Variants in MTRR observed in about 807,000 individuals in gnomAD.
MTRR encodes methionine synthase reductase.
MTRR carries 63 observed loss-of-function variants against 79.2 expected under a neutral mutation model. The ratio of observed to expected loss-of-function variants is 0.80; its 90% CI spans 0.65 to 0.98. The LOEUF (loss-of-function observed/expected upper bound fraction) is 0.98. Among genes scored for constraint, MTRR ranks in the 50% least tolerant of loss-of-function variants. The pLI is 0.00. For missense variants in MTRR, 895 were observed against 839.6 expected (o/e 1.07, Z -0.82); for synonymous variants, 355 against 313.3 (o/e 1.13, Z -1.41).
At chr5:7,850,866 G>C (rs747993562), upstream of MTRR, 43 of 1,308,920 alleles carry the variant, frequency 3.3e-5, no homozygotes, top group Non-Finnish European at 4.1e-5. Flanking sequence ...CCCAGTCCGC[G>C]GTCCTCACCC....
At chr5:7,885,630 T>A in intron 6 of MTRR, 71 bp from the exon 7 acceptor site, 1 of 1,419,610 alleles carries the variant, frequency 7.0e-7, no homozygotes, top group Non-Finnish European at 9.8e-7. Flanking sequence ...ACTATATTTT[T>A]GTTACCCTAC....
At chr5:7,878,350 A>G in intron 5 of MTRR, 28 bp downstream of exon 5, 3 of 1,610,954 alleles carry the variant, frequency 1.9e-6, no homozygotes, top group Non-Finnish European at 2.5e-6. Context: ...TATGCTATAG[A>G]TGCTATTTAA....
chr5:7,850,889 A>C, upstream of MTRR: 1 of 1,337,656 alleles, frequency 7.5e-7, no homozygotes, highest in Non-Finnish European at 9.6e-7. Context: ...GCCGGGCGGT[A>C]GTAGTAGCTG....
At chr5:7,899,309 C>G (rs989586211) in intron 14 of MTRR, among the ~76,000 whole-genome samples, 11 of 152,118 alleles carry the variant, frequency 7.2e-5, no homozygotes. Context: ...CAACTTACTC[C>G]CTGGTGAGAA....
At position 7,878,043 on chromosome 5, in the gene MTRR, C is replaced by T. The variant is rs1282115979; in HGVS notation, c.501C>T (p.Leu167=). 6 of 1,613,700 alleles carry T rather than the reference C, an allele frequency of 3.7e-6. No individual in the cohort carries two copies. The highest frequency in any genetic ancestry group is 4.2e-6 in the Non-Finnish European group (5 of 1,179,994). The change falls in exon 5 of 15, where the codon CTC becomes CTT. Residue 167 remains leucine (L), a synonymous_variant. Coordinates refer to ENST00000440940, the MANE Select transcript of MTRR (RefSeq NM_002454.3). The part of the protein sequence containing the change: ...SRGQEEISGA[L]PVASPASSRT... ...GACAAGAGGAGATAAGTGGCGCACT[C>T]CCGGTGGCATCACCTGCATCCTCGA...
intron 11 of MTRR, among the ~76,000 whole-genome samples, chr5:7,893,866 A>T (rs1481145757): frequency 6.6e-6 from 1 of 152,230 alleles, no homozygotes; most frequent in African/African-American, 2.4e-5. Flanking sequence ...TGCCTGGAAC[A>T]GAGAGATGCT....
chr5:7,866,609 A>T, upstream of MTRR: 1 of 1,453,498 alleles, frequency 6.9e-7, no homozygotes. Flanking sequence ...TTCAAAGGTT[A>T]CTTTTTTCCA....
chr5:7,863,513 G>T (rs1746701183), intron 2 of MTRR, among the ~76,000 whole-genome samples: 3 of 152,086 alleles, frequency 2.0e-5, no homozygotes, highest in Non-Finnish European at 2.9e-5. Flanking sequence ...TTTGAATTAG[G>T]GATGCTGAAC....
chr5:7,890,689 C>G (rs1291831265), intron 9 of MTRR, among the ~76,000 whole-genome samples: 1 of 152,034 alleles, frequency 6.6e-6, no homozygotes, highest in Non-Finnish European at 1.5e-5. Flanking sequence ...ATACATAGAC[C>G]TTTTCATATT....
At chr5:7,861,454 G>T in intron 1 of MTRR, 1 of 659,092 alleles carries the variant, frequency 1.5e-6, no homozygotes, top group East Asian at 3.0e-5. Flanking sequence ...TCCCAACATG[G>T]TATTCTGAAA....
intron 10 of MTRR, 85 bp downstream of exon 10, chr5:7,891,499 T>G (rs1737576513): frequency 8.5e-7 from 1 of 1,176,924 alleles, no homozygotes. Flanking sequence ...GTTTACTAAT[T>G]TATTCAGTGA....
chr5:7,850,903 T>A (rs898475068), upstream of MTRR: 27 of 1,357,922 alleles, frequency 2.0e-5, no homozygotes, highest in Non-Finnish European at 2.5e-5. Flanking sequence ...GTAGCTGTGC[T>A]CTTTGGGGTC....
chr5:7,900,236 C>T lies in MTRR; in HGVS notation c.*178C>T, dbSNP rs1579854065. On this transcript the variant is annotated 3_prime_UTR_variant, in exon 15 of 15. Transcript: ENST00000440940. ...AACAAAACTTCCTGATTTGATTTTA[C>T]GTATCTTCTATCTACGCCCTTCCTG... is the stretch of plus-strand genomic sequence containing the variant. 1.8e-5 allele frequency: 13 copies of T among 723,466 alleles called. No individual in the cohort carries two copies. Among genetic ancestry groups the T allele is most frequent in the East Asian group, 8.4e-5 (3 of 35,580 alleles). 44.8% of individuals were successfully genotyped at this position (723,466 alleles called of 1,614,324 possible).
At chr5:7,868,801 G>A (rs1747278611), upstream of MTRR, among the ~76,000 whole-genome samples, 1 of 152,218 alleles carries the variant, frequency 6.6e-6, no homozygotes, top group Non-Finnish European at 1.5e-5. Flanking sequence ...CAGACGGGAG[G>A]CCCCGCGGCG....
Position 7,892,768 on chromosome 5 carries a change from A to C in MTRR, c.1412A>C (p.Asn471Thr). The C allele has an allele frequency of 6.2e-7, 1 of 1,614,240 alleles. No homozygotes were observed. The highest frequency in any genetic ancestry group is 8.5e-7 in the Non-Finnish European group (1 of 1,180,044). ...CCAGGAAAGCTCCATTTTGTCTTCA[A>C]CATTGTGGAATTTCTGTCTACTGCC... ...FHPGKLHFVF[N>T]IVEFLSTATT... The change falls in exon 11 of 15, where the codon AAC becomes ACC. Residue 471 changes from asparagine to threonine, a missense_variant. Coordinates refer to ENST00000440940, the MANE Select transcript of MTRR (RefSeq NM_002454.3).
Position 7,900,080 on chromosome 5 carries a change from G to T in MTRR, c.*22G>T. ...ATAAAACCAGAAATTAAAGAAAGAG[G>T]ATTAAGCTTTTTTGACTGAAAGTAC... On this transcript the variant is annotated 3_prime_UTR_variant, in exon 15 of 15. Coordinates refer to ENST00000440940, the MANE Select transcript of MTRR (RefSeq NM_002454.3). 2 of 1,611,656 alleles carry T rather than the reference G, an allele frequency of 1.2e-6. No individual in the cohort carries two copies. The highest frequency in any genetic ancestry group is 1.1e-5 in the South Asian group (1 of 90,102).
chr5:7,896,002 A>G (rs1738447517), intron 12 of MTRR, 150 bp downstream of exon 12: 1 of 1,056,020 alleles, frequency 9.5e-7, no homozygotes, highest in Admixed American at 2.4e-5. Flanking sequence ...ACCATGGGAA[A>G]AGTAAACACA....
At chr5:7,896,693 T>G in intron 12 of MTRR, 171 bp from the exon 13 acceptor site, 2 of 645,972 alleles carry the variant, frequency 3.1e-6, no homozygotes, top group Non-Finnish European at 5.6e-6. Flanking sequence ...TCTGCTCGAG[T>G]GGCCATGACA....
At chr5:7,878,865 C>T (rs1735033041) in intron 5 of MTRR, among the ~76,000 whole-genome samples, 1 of 152,220 alleles carries the variant, frequency 6.6e-6, no homozygotes, top group South Asian at 2.1e-4. Flanking sequence ...TCTTTGAATG[C>T]AGGGCTAAGC....
Sources: allele counts gnomAD v4.1 joint callset (sites outside exome capture counted in the v4.1 genomes callset), GRCh38; gene constraint gnomAD v4.1.1; transcripts MANE v1.5; gene names NCBI Gene and HGNC (gene_info 2026-07-23, HGNC 2026-07-21).